The following ZNF510 variants were observed in gnomAD, a reference collection of about 807,000 sequenced individuals.
The protein encoded by ZNF510 is zinc finger protein 510.
Under a neutral mutation model 18.1 loss-of-function variants are expected in ZNF510, and 15 were observed. That is an observed-to-expected ratio of 0.83 (90% CI 0.55 to 1.28). The LOEUF is 1.28. Among genes scored for constraint, ZNF510 ranks in the 50% most tolerant of loss-of-function variants. ZNF510 has a pLI of 0.00. For missense variants in ZNF510, 724 were observed against 791.8 expected, an observed-to-expected ratio of 0.91 and a Z score of 1.03; for synonymous variants, 261 against 266.4, an observed-to-expected ratio of 0.98 and a Z score of 0.20.
chr9:96,773,775 C>T (rs1030506475), intron 3 of ZNF510, among the ~76,000 whole-genome samples: 1 of 152,132 alleles, frequency 6.6e-6, no homozygotes. Flanking sequence ...AGGGTTTCAC[C>T]ACGTTGGCCA....
chr9:96,776,715 G>T lies in ZNF510; in HGVS notation c.-176-470C>A, dbSNP rs560365257. On this transcript the variant is annotated intron_variant, in intron 1 of 5. Transcript: ENST00000223428. The stretch of plus-strand genomic sequence containing the variant: ...CAGGAGAATCAGTTGAACCTGGGAG[G>T]TGGAGGTTGCAGTGAGCCAAGATCA... 5.9e-5 allele frequency among the ~76,000 whole-genome samples: 9 copies of T among 152,316 alleles called. 1 individual carries two copies. Among genetic ancestry groups the T allele is most frequent in the African/African-American group, 2.2e-4 (9 of 41,570 alleles).
chr9:96,775,896 TG>T, intron 2 of ZNF510, 103 bp downstream of exon 2: 1 of 1,451,994 alleles, frequency 6.9e-7, no homozygotes. Flanking sequence ...TCCTCAGCCC[TG>T]GCTGGTTATG....
In ZNF510 at chr9:96,760,495, A is replaced by AAAAC. The variant is rs771395487; in HGVS notation, c.353-22_353-19dup. On this transcript the variant is annotated intron_variant, in intron 5 of 5. Transcript: ENST00000223428. The stretch of plus-strand genomic sequence containing the variant: ...GTAATCTTCTAAAACAGAAATATTG[A>AAAAC]AAACATCTTATGACTCTTACATCTT... 5 of 1,567,854 alleles carry AAAAC rather than the reference A, an allele frequency of 3.2e-6. No homozygotes were observed. In the South Asian group the frequency reaches 4.8e-5, roughly 15 times the overall value.
chr9:96,768,056 C>G (rs1259793957), intron 3 of ZNF510, among the ~76,000 whole-genome samples: 1 of 152,062 alleles, frequency 6.6e-6, no homozygotes, highest in Non-Finnish European at 1.5e-5. Flanking sequence ...TGCAAGGTGG[C>G]TCACCATAAG....
At chr9:96,769,450 A>AAAAAAAAAAAAT in intron 3 of ZNF510, among the ~76,000 whole-genome samples, 1 of 151,926 alleles carries the variant, frequency 6.6e-6, no homozygotes, top group African/African-American at 2.4e-5. Flanking sequence ...AAAAAAAAAA[A>AAAAAAAAAAAAT]ATTGGCCTTA....
chr9:96,759,437 A>G lies in ZNF510; in HGVS notation c.1393T>C (p.Cys465Arg), dbSNP rs763053855. Residue 465 changes from cysteine (C) to arginine (R), a missense_variant, in exon 6 of 6, where the codon TGT becomes CGT. By Grantham distance (180) the Cys-to-Arg change is radical. Transcript: ENST00000223428. ...TAEKPYKCNECGKTFVQKSTL... is the reference protein window; with the variant it reads ...TAEKPYKCNERGKTFVQKSTL... ...GACTTCTGGACAAATGTTTTTCCAC[A>G]TTCATTACATTTATAGGGTTTTTCT... 2 of 1,614,140 alleles carry G rather than the reference A, an allele frequency of 1.2e-6. No individual in the cohort carries two copies. The highest frequency in any genetic ancestry group is 2.2e-5 in the South Asian group (2 of 91,086).
intron 3 of ZNF510, among the ~76,000 whole-genome samples, chr9:96,765,077 C>T (rs1323838487): frequency 6.6e-6 from 1 of 152,056 alleles, no homozygotes. Flanking sequence ...CGCGCCACTG[C>T]ACTCCAGCCT....
rs1849242097 is a variant in ZNF510, at chr9:96,758,212, T to G, written c.*566A>C. The G allele has an allele frequency of 6.6e-6, 1 of 152,322 alleles. No individual in the cohort carries two copies. The highest frequency in any genetic ancestry group is 6.5e-5 in the Admixed American group (1 of 15,284). The allele number at this position is 152,322 out of a possible 1,614,324, so 9.4% of individuals were successfully genotyped here. A position where few individuals can be genotyped will look rare whatever the true frequency, so the allele number is the denominator to read the frequency against. On this transcript the variant is annotated 3_prime_UTR_variant, in exon 6 of 6. Transcript: ENST00000223428. ...GGAGAATTTTGCTGCGTGTATTCAT[T>G]CAGGCACAGACTTCTTTATCTTGTA...
In ZNF510 at chr9:96,760,181, C is replaced by A; in HGVS notation, c.649G>T (p.Glu217Ter). 1 of 1,613,026 alleles carries A rather than the reference C, an allele frequency of 6.2e-7. No individual in the cohort carries two copies. The highest frequency in any genetic ancestry group is 1.1e-5 in the South Asian group (1 of 90,674). The change falls in exon 6 of 6, where the codon GAG (glutamate) becomes TAG (stop). Residue 217 changes from glutamate (E) to a stop codon, truncating the protein, a stop_gained. Transcript: ENST00000223428. LOFTEE classifies it low-confidence loss of function (END_TRUNC). The stretch of plus-strand genomic sequence containing the variant: ...AATTTCTCTCCAGTCTGAGTTTTCT[C>A]AAAGTTAATTTTGAAAGGTGAATTC... ...CENSPFKINFEKTQTGEKFYE... is the reference protein window; with the variant it reads ...CENSPFKINF
rs1849201342 is a variant in ZNF510, at chr9:96,756,686, A to T, written c.*2092T>A. 6.6e-6 allele frequency: 1 copy of T among 152,248 alleles called. No individual in the cohort carries two copies. The allele number at this position is 152,248 out of a possible 1,614,324, so 9.4% of individuals were successfully genotyped here. ...AGATATCCAATGTGTAAAAGAGCCC[A>T]AGAGTAAACTAACAGCTGCTTTTCA... On this transcript the variant is annotated 3_prime_UTR_variant, in exon 6 of 6. Transcript: ENST00000223428.
intron 3 of ZNF510, among the ~76,000 whole-genome samples, chr9:96,765,028 G>T (rs560782321): frequency 6.6e-6 from 1 of 152,084 alleles, no homozygotes; most frequent in Non-Finnish European, 1.5e-5. Context: ...CAGGAGAATC[G>T]TTTGGACCTG....
intron 3 of ZNF510, among the ~76,000 whole-genome samples, chr9:96,768,263 G>A (rs1488365663): frequency 2.6e-5 from 4 of 151,232 alleles, no homozygotes; most frequent in South Asian, 2.1e-4. Context: ...AACAGAATAC[G>A]CTAGGCTAAA....
chr9:96,770,052 A>C (rs1397823690), intron 3 of ZNF510, among the ~76,000 whole-genome samples: 3 of 152,216 alleles, frequency 2.0e-5, no homozygotes, highest in Admixed American at 1.3e-4. Context: ...ATGAGTCAGA[A>C]GTTCCTTTTC....
Position 96,759,604 on chromosome 9 carries a change from CA to C in ZNF510, c.1225del (p.Cys409ValfsTer262), listed in dbSNP as rs761110147. 1 of 1,613,998 alleles carries C rather than the reference CA, an allele frequency of 6.2e-7. No homozygotes were observed. Among genetic ancestry groups the C allele is most frequent in the South Asian group, 1.1e-5 (1 of 91,082 alleles). ...TCCTTTCTGACAGAAGGATTTCCCACATTCATTACATTTATAGGGTTTCATC... is the reference window on the plus strand; with the variant it reads ...TCCTTTCTGACAGAAGGATTTCCCACTTCATTACATTTATAGGGTTTCATC... ...SMMKPYKCNECGKSFCQKGHL... is the reference protein window; with the variant it reads ...SMMKPYKCNEXGKSFCQKGHL... On this transcript the variant is annotated frameshift_variant, in exon 6 of 6. Coordinates refer to ENST00000223428, the MANE Select transcript of ZNF510 (RefSeq NM_014930.3). LOFTEE classifies it low-confidence loss of function (END_TRUNC).
chr9:96,762,338 T>C (rs1187136502), intron 5 of ZNF510, among the ~76,000 whole-genome samples: 1 of 151,448 alleles, frequency 6.6e-6, no homozygotes, highest in Non-Finnish European at 1.5e-5. Context: ...TGAAACCCTG[T>C]CTCTACTAAA....
chr9:96,763,034 G>C, intron 5 of ZNF510, 84 bp downstream of exon 5: 1 of 1,071,092 alleles, frequency 9.3e-7, no homozygotes, highest in Non-Finnish European at 1.4e-6. Context: ...GAAAAGTCTT[G>C]CAATATTTAG....
chr9:96,763,408 A>C, intron 4 of ZNF510, 98 bp downstream of exon 4: 1 of 1,449,668 alleles, frequency 6.9e-7, no homozygotes, highest in East Asian at 2.3e-5. Flanking sequence ...AAGCCTAAAT[A>C]ATTTAAACTT....
intron 2 of ZNF510, among the ~76,000 whole-genome samples, chr9:96,775,716 C>A (rs1037935105): frequency 1.3e-5 from 2 of 152,130 alleles, no homozygotes; most frequent in Non-Finnish European, 1.5e-5. Context: ...AATAGAAATC[C>A]TTTCCTGTAT....
chr9:96,768,170 T>A (rs1168743714), intron 3 of ZNF510, among the ~76,000 whole-genome samples: 6 of 152,198 alleles, frequency 3.9e-5, no homozygotes, highest in African/African-American at 1.4e-4. Context: ...TATCCTTTCA[T>A]GATAAAAACA....
Sources: gnomAD v4.1 joint callset for allele counts (sites outside exome capture counted in the v4.1 genomes callset) on GRCh38, gnomAD v4.1.1 for gene constraint, MANE v1.5 for transcripts, NCBI Gene and HGNC (gene_info 2026-07-23, HGNC 2026-07-21) for gene names.